Variants in MAGI1 observed in about 807,000 individuals in gnomAD.
MAGI1 encodes membrane associated guanylate kinase, WW and PDZ domain containing 1.
A neutral mutation model predicts 139.9 loss-of-function variants in MAGI1; 58 were observed. The observed-to-expected ratio is 0.41, with a 90% CI of 0.34 to 0.52. The LOEUF (loss-of-function observed/expected upper bound fraction) is 0.52, where lower values mean the gene tolerates loss of function less well. Ranked by LOEUF, MAGI1 falls within the 20% of genes least tolerant of loss-of-function variation. The probability of loss-of-function intolerance (pLI) is 0.12; values close to 1 mark genes in which losing one functional copy is unlikely to be tolerated. For synonymous variants in MAGI1, 812 were observed against 737.9 expected, an observed-to-expected ratio of 1.10 and a Z score of -1.63; for missense variants, 1,874 against 1,901.6, an observed-to-expected ratio of 0.99 and a Z score of 0.27.
rs763692539 is a variant in MAGI1 at position 65,356,890 on chromosome 3, C to T, written c.3877G>A (p.Ala1293Thr). The change falls in exon 23 of 23, where the codon GCA becomes ACA. Residue 1293 changes from alanine to threonine, a missense_variant. Ala to Thr is a moderately conservative substitution (Grantham distance 58). Transcript: ENST00000402939. ...NGTSRKPDSG[A>T]CRPKDRAPEG... ...GGCGCCCGGTCCTTGGGTCGGCATG[C>T]CCCGCTGTCGGGTTTCCTCGAAGTC... 1.9e-6 allele frequency: 3 copies of T among 1,614,138 alleles called. No individual in the cohort carries two copies. The highest frequency in any genetic ancestry group is 2.2e-5 in the South Asian group (2 of 91,086).
At chr3:65,439,779 T>C (rs1411333799) in intron 9 of MAGI1, 100 bp downstream of exon 9, 7 of 1,578,916 alleles carry the variant, frequency 4.4e-6, no homozygotes, top group Non-Finnish European at 6.0e-6. Flanking sequence ...AAGAGAGGAC[T>C]CAATCATCGA....
intron 8 of MAGI1, among the ~76,000 whole-genome samples, chr3:65,440,937 C>T (rs1488370982): frequency 1.3e-5 from 2 of 151,048 alleles, no homozygotes; most frequent in African/African-American, 4.9e-5. Context: ...CATATACACA[C>T]ACACAAGCAT....
chr3:65,706,834 T>C (rs931227810), intron 1 of MAGI1, among the ~76,000 whole-genome samples: 2 of 152,186 alleles, frequency 1.3e-5, no homozygotes, highest in Non-Finnish European at 2.9e-5. Context: ...CTCTCAGCCA[T>C]GGTAATAAGT....
chr3:65,765,668 G>T (rs2107906907), intron 1 of MAGI1, among the ~76,000 whole-genome samples: 1 of 152,224 alleles, frequency 6.6e-6, no homozygotes, highest in African/African-American at 2.4e-5. Flanking sequence ...TCAACCAGAG[G>T]CTGTATGGCC....
At chr3:65,947,754 C>T (rs1295490135) in intron 1 of MAGI1, among the ~76,000 whole-genome samples, 2 of 151,506 alleles carry the variant, frequency 1.3e-5, no homozygotes, top group Non-Finnish European at 2.9e-5. Context: ...GTAGCTGGTA[C>T]CACAGGCATG....
At chr3:65,429,176 T>C (rs1947295446) in intron 12 of MAGI1, among the ~76,000 whole-genome samples, 1 of 152,080 alleles carries the variant, frequency 6.6e-6, no homozygotes. Flanking sequence ...TTGCCCAGTC[T>C]GGACTCAAAT....
At chr3:65,441,266 T>C (rs1948306591) in intron 8 of MAGI1, among the ~76,000 whole-genome samples, 1 of 152,184 alleles carries the variant, frequency 6.6e-6, no homozygotes, top group South Asian at 2.1e-4. Flanking sequence ...TGAACTTATT[T>C]TTCTTAATTC....
intron 1 of MAGI1, among the ~76,000 whole-genome samples, chr3:65,758,481 G>A (rs2036731764): frequency 6.6e-6 from 1 of 151,960 alleles, no homozygotes; most frequent in African/African-American, 2.4e-5. Context: ...ATACATTCCC[G>A]TTATCACATT....
At chr3:65,803,350 T>C (rs1439650624) in intron 1 of MAGI1, among the ~76,000 whole-genome samples, 1 of 152,154 alleles carries the variant, frequency 6.6e-6, no homozygotes, top group East Asian at 1.9e-4. Flanking sequence ...TTAATACATT[T>C]TCCCTCAATG....
intron 1 of MAGI1, among the ~76,000 whole-genome samples, chr3:65,831,804 TA>T (rs1232511902): frequency 6.6e-6 from 1 of 152,064 alleles, no homozygotes; most frequent in African/African-American, 2.4e-5. Flanking sequence ...AAAGAGAAAA[TA>T]AAAGGTGGCA....
chr3:65,363,234 T>C (rs767162495), intron 21 of MAGI1, among the ~76,000 whole-genome samples: 1 of 152,212 alleles, frequency 6.6e-6, no homozygotes, highest in Non-Finnish European at 1.5e-5. Flanking sequence ...TTAAATCCTT[T>C]ATTCCCTATA....
At chr3:65,788,128 A>T (rs999758085) in intron 1 of MAGI1, among the ~76,000 whole-genome samples, 1 of 152,202 alleles carries the variant, frequency 6.6e-6, no homozygotes, top group Non-Finnish European at 1.5e-5. Context: ...ACTGTGCCCA[A>T]GTAAACTCAC....
intron 2 of MAGI1, among the ~76,000 whole-genome samples, chr3:65,537,394 T>G (rs2079007914): frequency 6.6e-6 from 1 of 152,210 alleles, no homozygotes; most frequent in South Asian, 2.1e-4. Flanking sequence ...GTGTTCCCTT[T>G]TGCATTTTCC....
intron 1 of MAGI1, among the ~76,000 whole-genome samples, chr3:65,625,587 A>T (rs1559732305): frequency 2.6e-5 from 4 of 152,298 alleles, no homozygotes; most frequent in African/African-American, 9.6e-5. Flanking sequence ...AAATGGGATG[A>T]TACATTCAGA....
At chr3:65,652,916 G>A (rs1468590358) in intron 1 of MAGI1, among the ~76,000 whole-genome samples, 1 of 152,106 alleles carries the variant, frequency 6.6e-6, no homozygotes, top group Non-Finnish European at 1.5e-5. Context: ...GGACAAGAAA[G>A]CTATAGTCCT....
At chr3:65,496,123 C>T (rs1194210413) in intron 2 of MAGI1, among the ~76,000 whole-genome samples, 1 of 152,092 alleles carries the variant, frequency 6.6e-6, no homozygotes, top group Non-Finnish European at 1.5e-5. Context: ...CTCACTATCT[C>T]CTTGAACTAC....
chr3:65,641,107 T>TA (rs544069050), intron 1 of MAGI1, among the ~76,000 whole-genome samples: 8,770 of 145,004 alleles, frequency 0.06, 799 homozygotes, highest in African/African-American at 0.2. Context: ...AAGCCTATAT[T>TA]AAAAAAAAAA....
chr3:65,639,730 C>T (rs549468059), intron 1 of MAGI1, among the ~76,000 whole-genome samples: 32 of 152,058 alleles, frequency 2.1e-4, no homozygotes, highest in African/African-American at 6.5e-4. Flanking sequence ...CAGCCAGGTG[C>T]GGTGGCTCAG....
intron 1 of MAGI1, among the ~76,000 whole-genome samples, chr3:65,849,487 C>T (rs995511840): frequency 2.8e-5 from 3 of 107,948 alleles, no homozygotes; most frequent in African/African-American, 1.4e-4. Context: ...ATATATATAT[C>T]ATCAAATATA....
Sources: allele counts gnomAD v4.1 joint callset (sites outside exome capture counted in the v4.1 genomes callset), GRCh38; gene constraint gnomAD v4.1.1; transcripts MANE v1.5; gene names NCBI Gene and HGNC (gene_info 2026-07-23, HGNC 2026-07-21).